SLC2A13: variants seen among roughly 807,000 people sequenced by gnomAD.
The protein encoded by SLC2A13 is proton myo-inositol cotransporter.
SLC2A13 carries 32 observed loss-of-function variants against 64.4 expected under a neutral mutation model. The ratio of observed to expected loss-of-function variants is 0.50; its 90% CI spans 0.37 to 0.67. The LOEUF is 0.67. SLC2A13 is among the 30% of genes least tolerant of loss of function. The pLI is 0.00. For missense variants in SLC2A13, 743 were observed against 829.2 expected (o/e 0.90, Z 1.28); for synonymous variants, 338 against 327.1 (o/e 1.03, Z -0.36).
chr12:39,962,512 A>G (rs1946432448), intron 3 of SLC2A13, among the ~76,000 whole-genome samples: 2 of 152,226 alleles, frequency 1.3e-5, no homozygotes. Flanking sequence ...CCATTTATGC[A>G]TCTCTGCCTG....
intron 4 of SLC2A13, among the ~76,000 whole-genome samples, chr12:39,898,646 A>G (rs1354319359): frequency 6.6e-6 from 1 of 152,134 alleles, no homozygotes; most frequent in African/African-American, 2.4e-5. Flanking sequence ...TACTCACACT[A>G]TGAGAGACAT....
chr12:39,922,002 T>G (rs548721171), intron 4 of SLC2A13, among the ~76,000 whole-genome samples: 1 of 151,480 alleles, frequency 6.6e-6, no homozygotes, highest in South Asian at 2.1e-4. Flanking sequence ...AGTGCTTATG[T>G]GATGTACCTA....
intron 4 of SLC2A13, among the ~76,000 whole-genome samples, chr12:39,887,285 C>T (rs986508337): frequency 6.6e-6 from 1 of 152,060 alleles, no homozygotes; most frequent in South Asian, 2.1e-4. Context: ...AGTTAGACAC[C>T]TCCAGAGATG....
At chr12:39,833,853 C>G (rs1942930673) in intron 6 of SLC2A13, among the ~76,000 whole-genome samples, 1 of 150,926 alleles carries the variant, frequency 6.6e-6, no homozygotes, top group Non-Finnish European at 1.5e-5. Context: ...GAGCTCACAC[C>G]CTAATCTTTT....
chr12:39,841,268 C>T (rs1943170071), intron 6 of SLC2A13, among the ~76,000 whole-genome samples: 1 of 152,094 alleles, frequency 6.6e-6, no homozygotes. Context: ...TTTTTCTTTG[C>T]TTTTGCGATT....
chr12:40,066,278 C>T (rs1303762892), intron 1 of SLC2A13, among the ~76,000 whole-genome samples: 1 of 152,058 alleles, frequency 6.6e-6, no homozygotes, highest in Non-Finnish European at 1.5e-5. Context: ...CAGTAAATGG[C>T]CCCAAAGCTA....
chr12:39,971,313 G>T (rs930756814), intron 3 of SLC2A13, among the ~76,000 whole-genome samples: 1 of 152,100 alleles, frequency 6.6e-6, no homozygotes, highest in Non-Finnish European at 1.5e-5. Context: ...TACTATAAGT[G>T]CTCAATGAAT....
At chr12:39,826,431 T>A (rs1318061006) in intron 7 of SLC2A13, among the ~76,000 whole-genome samples, 1 of 151,496 alleles carries the variant, frequency 6.6e-6, no homozygotes, top group African/African-American at 2.4e-5. Context: ...TAAAAACAGT[T>A]ATATTTAGAT....
At chr12:39,968,127 T>A (rs1359793312) in intron 3 of SLC2A13, among the ~76,000 whole-genome samples, 1 of 152,188 alleles carries the variant, frequency 6.6e-6, no homozygotes, top group Non-Finnish European at 1.5e-5. Flanking sequence ...GAAAGAGGTT[T>A]AATGGATTCA....
intron 7 of SLC2A13, among the ~76,000 whole-genome samples, chr12:39,823,708 C>T (rs997346339): frequency 3.9e-5 from 6 of 152,172 alleles, no homozygotes; most frequent in African/African-American, 7.2e-5. Flanking sequence ...TTTCACCTCT[C>T]GAGTAGCTGG....
At chr12:39,895,895 C>T (rs111219458) in intron 4 of SLC2A13, among the ~76,000 whole-genome samples, 180 of 15,584 alleles carry the variant, frequency 0.012, 52 homozygotes, top group East Asian at 0.11. Context: ...CGTGTATATG[C>T]ACACACATAT....
intron 1 of SLC2A13, among the ~76,000 whole-genome samples, chr12:40,085,853 C>G (rs1280295100): frequency 6.6e-6 from 1 of 152,082 alleles, no homozygotes; most frequent in Non-Finnish European, 1.5e-5. Context: ...AATTTCACGT[C>G]CCGCATTCCT....
At chr12:39,947,864 G>C (rs1025427188) in intron 4 of SLC2A13, among the ~76,000 whole-genome samples, 1 of 151,938 alleles carries the variant, frequency 6.6e-6, no homozygotes, top group East Asian at 1.9e-4. Flanking sequence ...GTTTCACTGT[G>C]TTAGCCAGGA....
rs1345892844 is a variant in SLC2A13 at position 39,981,704 on chromosome 12, A to G, written c.926-30339T>C. On this transcript the variant is annotated intron_variant, in intron 3 of 9. Transcript: ENST00000280871. ...AATCAATAGCTTACCCACCAAAAAG[A>G]GTCCAGGACCAGATGGATTCACAGC... 2.0e-5 allele frequency among the ~76,000 whole-genome samples: 3 copies of G among 151,916 alleles called. No homozygotes were observed. In the East Asian group the frequency reaches 5.8e-4, roughly 29 times the overall value.
chr12:39,777,458 G>A (rs778340437), intron 7 of SLC2A13, among the ~76,000 whole-genome samples: 22 of 152,342 alleles, frequency 1.4e-4, no homozygotes, highest in Non-Finnish European at 3.1e-4. Context: ...TGATATGGAA[G>A]GGAAGTGCTA....
At chr12:39,859,241 G>A (rs1566873746) in intron 6 of SLC2A13, among the ~76,000 whole-genome samples, 1 of 143,192 alleles carries the variant, frequency 7.0e-6, no homozygotes, top group Non-Finnish European at 1.5e-5. Flanking sequence ...CTTATGCTTG[G>A]TTTAACAATG....
intron 1 of SLC2A13, among the ~76,000 whole-genome samples, chr12:40,076,952 G>A (rs918238416): frequency 2.0e-5 from 3 of 151,976 alleles, no homozygotes; most frequent in African/African-American, 4.8e-5. Context: ...TTGGCTGTGT[G>A]TGTCTTCTTT....
At chr12:39,939,391 T>C (rs1183261869) in intron 4 of SLC2A13, among the ~76,000 whole-genome samples, 2 of 152,204 alleles carry the variant, frequency 1.3e-5, no homozygotes, top group Non-Finnish European at 2.9e-5. Context: ...TTTTGTTTGC[T>C]AGGATAGTGA....
chr12:39,975,744 T>C (rs1297208901), intron 3 of SLC2A13, among the ~76,000 whole-genome samples: 1 of 152,226 alleles, frequency 6.6e-6, no homozygotes, highest in Admixed American at 6.5e-5. Context: ...ACAAAACAGA[T>C]GTAGCTCTTT....
Sources: allele counts gnomAD v4.1 joint callset (sites outside exome capture counted in the v4.1 genomes callset), GRCh38; gene constraint gnomAD v4.1.1; transcripts MANE v1.5; gene names NCBI Gene and HGNC (gene_info 2026-07-23, HGNC 2026-07-21).